The following PCDH15 variants were observed in gnomAD, a reference collection of about 807,000 sequenced individuals.
The protein encoded by PCDH15 is protocadherin related 15.
A neutral mutation model predicts 178.5 loss-of-function variants in PCDH15; 129 were observed. The observed-to-expected ratio is 0.72, with a 90% confidence interval of 0.63 to 0.84. The LOEUF (loss-of-function observed/expected upper bound fraction) is 0.84, where lower values mean the gene tolerates loss of function less well. Among genes scored for constraint, PCDH15 ranks in the 40% least tolerant of loss-of-function variants. The probability of loss-of-function intolerance (pLI) is 0.00; values close to 1 mark genes in which losing one functional copy is unlikely to be tolerated. For synonymous variants in PCDH15, 800 were observed against 732.0 expected (o/e 1.09, Z -1.50); for missense variants, 2,230 against 2,099.9 (o/e 1.06, Z -1.21).
intron 10 of PCDH15, 49 bp downstream of exon 10, chr10:54,213,887 T>C (rs1400208095): frequency 1.3e-5 from 15 of 1,192,010 alleles, no homozygotes; most frequent in Non-Finnish European, 1.9e-5. Context: ...CAGATTTATC[T>C]GATTAGCAGT....
chr10:55,539,165 C>A (rs919772864), intron 2 of PCDH15, among the ~76,000 whole-genome samples: 1 of 151,498 alleles, frequency 6.6e-6, no homozygotes, highest in Admixed American at 6.6e-5. Flanking sequence ...TCTCTTTTCC[C>A]TCAAACACTA....
chr10:55,447,705 A>T (rs1010382436), intron 2 of PCDH15, among the ~76,000 whole-genome samples: 4 of 152,096 alleles, frequency 2.6e-5, no homozygotes, highest in Middle Eastern at 3.2e-3. Flanking sequence ...ATAATTTTTT[A>T]AAATAGTCAT....
chr10:54,838,045 CTACATACTTGTGCAAGTATGTAGAA>C (rs1213221779), intron 3 of PCDH15, among the ~76,000 whole-genome samples: 1 of 151,932 alleles, frequency 6.6e-6, no homozygotes, highest in Non-Finnish European at 1.5e-5. Flanking sequence ...TCCAAGTATT[CTACATACTTGTGCAAGTATGTAGAA>C]TACATACTTG....
intron 1 of PCDH15, among the ~76,000 whole-genome samples, chr10:55,291,357 C>A (rs1040247765): frequency 6.6e-6 from 1 of 152,178 alleles, no homozygotes; most frequent in African/African-American, 2.4e-5. Flanking sequence ...AAGGACAAGT[C>A]TTTATTCACA....
chr10:53,915,271 T>C (rs1006790239), intron 25 of PCDH15, among the ~76,000 whole-genome samples: 2 of 152,184 alleles, frequency 1.3e-5, no homozygotes, highest in African/African-American at 4.8e-5. Flanking sequence ...TTATTAACTG[T>C]ATTAGCATGA....
intron 25 of PCDH15, among the ~76,000 whole-genome samples, chr10:53,934,625 G>A (rs1359474476): frequency 6.6e-6 from 1 of 151,874 alleles, no homozygotes; most frequent in Non-Finnish European, 1.5e-5. Context: ...ACACGGAGAT[G>A]TAACATGTTA....
At chr10:54,064,007 C>G (rs1465137132) in intron 18 of PCDH15, among the ~76,000 whole-genome samples, 1 of 152,184 alleles carries the variant, frequency 6.6e-6, no homozygotes, top group East Asian at 1.9e-4. Context: ...CTCTTTCATT[C>G]CTGCCATTTG....
chr10:55,095,079 C>T (rs1842417914), intron 2 of PCDH15, among the ~76,000 whole-genome samples: 1 of 151,776 alleles, frequency 6.6e-6, no homozygotes, highest in Non-Finnish European at 1.5e-5. Flanking sequence ...TGCCACCACG[C>T]CTGGCTAATT....
chr10:55,204,384 A>G (rs559627228), intron 1 of PCDH15, among the ~76,000 whole-genome samples: 7 of 151,754 alleles, frequency 4.6e-5, no homozygotes, highest in Admixed American at 3.3e-4. Flanking sequence ...GTATATATAC[A>G]TATAATGCAA....
At chr10:54,684,810 T>TGTAGA (rs1555148019) in intron 1 of PCDH15, among the ~76,000 whole-genome samples, 218 of 151,348 alleles carry the variant, frequency 1.4e-3, no homozygotes, top group African/African-American at 5.1e-3. Flanking sequence ...TGTTATTTCC[T>TGTAGA]ATAGTAGTGT....
chr10:53,874,955 C>T (rs997309689), intron 26 of PCDH15, among the ~76,000 whole-genome samples: 7 of 151,510 alleles, frequency 4.6e-5, no homozygotes, highest in Non-Finnish European at 7.4e-5. Flanking sequence ...GCAGGTTAAG[C>T]GCAGCTGACC....
At chr10:53,983,242 G>A (rs1407592284) in intron 21 of PCDH15, among the ~76,000 whole-genome samples, 4 of 151,584 alleles carry the variant, frequency 2.6e-5, no homozygotes, top group Non-Finnish European at 5.9e-5. Context: ...TTGTGTGTGT[G>A]TGTGTGTGTA....
At chr10:54,534,164 G>A (rs1020459177) in intron 2 of PCDH15, among the ~76,000 whole-genome samples, 3 of 152,024 alleles carry the variant, frequency 2.0e-5, no homozygotes, top group Non-Finnish European at 4.4e-5. Flanking sequence ...GAATATATTC[G>A]AATAAAATGT....
At chr10:53,810,894 G>A (rs2075840864) in intron 36 of PCDH15, among the ~76,000 whole-genome samples, 1 of 152,142 alleles carries the variant, frequency 6.6e-6, no homozygotes, top group African/African-American at 2.4e-5. Context: ...AGAGAGTTGA[G>A]TTATTTCAGA....
Position 54,435,244 on chromosome 10 carries a change from T to C in PCDH15, c.158-56302A>G, listed in dbSNP as rs9416354. On this transcript the variant is annotated intron_variant, in intron 3 of 37. Coordinates refer to ENST00000644397, the MANE Select transcript of PCDH15 (RefSeq NM_001384140.1). ...CCAGCCTTTTAAGAGGACTCTTTATTAATCACAAAGATGTTGAACAGATGA... is the reference window on the plus strand; with the variant it reads ...CCAGCCTTTTAAGAGGACTCTTTATCAATCACAAAGATGTTGAACAGATGA... 4.1e-3 allele frequency among the ~76,000 whole-genome samples: 619 copies of C among 152,312 alleles called. 3 individuals are homozygous for C. The highest frequency in any genetic ancestry group is 0.014 in the African/African-American group (598 of 41,576).
At chr10:55,625,193 T>C (rs539289181) in intron 2 of PCDH15, among the ~76,000 whole-genome samples, 42 of 152,070 alleles carry the variant, frequency 2.8e-4, no homozygotes, top group Non-Finnish European at 3.1e-4. Flanking sequence ...TATTAGTGCT[T>C]CCTGGTTTAA....
At chr10:53,841,799 C>A (rs866263119) in intron 28 of PCDH15, among the ~76,000 whole-genome samples, 1 of 152,026 alleles carries the variant, frequency 6.6e-6, no homozygotes, top group Non-Finnish European at 1.5e-5. Context: ...GGAGGAGGAG[C>A]AAATTCACTT....
intron 2 of PCDH15, among the ~76,000 whole-genome samples, chr10:54,579,391 A>C (rs1188246099): frequency 6.6e-6 from 1 of 152,170 alleles, no homozygotes; most frequent in African/African-American, 2.4e-5. Flanking sequence ...AAAAGGATAA[A>C]GAATGTCATT....
At chr10:54,357,749 C>A (rs1164955250) in intron 5 of PCDH15, among the ~76,000 whole-genome samples, 3 of 152,170 alleles carry the variant, frequency 2.0e-5, no homozygotes, top group Non-Finnish European at 4.4e-5. Flanking sequence ...CATCACGCTA[C>A]CTGACTTCAA....
Sources: allele counts gnomAD v4.1 joint callset (sites outside exome capture counted in the v4.1 genomes callset), GRCh38; gene constraint gnomAD v4.1.1; transcripts MANE v1.5; gene names NCBI Gene and HGNC (gene_info 2026-07-23, HGNC 2026-07-21).